MAP7D1: variants seen among roughly 807,000 people sequenced by gnomAD.
MAP7D1 encodes MAP7 domain-containing protein 1.
A neutral mutation model predicts 97.5 loss-of-function variants in MAP7D1; 30 were observed. That is an observed-to-expected ratio of 0.31 (90% CI 0.23 to 0.42). The LOEUF is 0.42. Ranked by LOEUF, MAP7D1 falls within the 10% of genes least tolerant of loss-of-function variation. The pLI, the probability that MAP7D1 is intolerant of heterozygous loss-of-function variation, is 1.00. For synonymous variants in MAP7D1, 536 were observed against 477.1 expected (o/e 1.12, Z -1.61); for missense variants, 1,184 against 1,179.5 (o/e 1.00, Z -0.06).
chr1:36,156,381 C>T lies in MAP7D1; in HGVS notation c.-37C>T, dbSNP rs1644328899. On this transcript the variant is annotated 5_prime_UTR_variant, in exon 1 of 17. Coordinates refer to ENST00000474796, the MANE Select transcript of MAP7D1 (RefSeq NM_001388490.1). ...TGGCCACTGGCCGCCGCCGCCGCCG[C>T]CGCTGAGACCCCGAGACCCCCAGTG... 2 of 1,481,148 alleles carry T rather than the reference C, an allele frequency of 1.4e-6. No individual in the cohort carries two copies. The highest frequency in any genetic ancestry group is 1.3e-5 in the South Asian group (1 of 78,944). 91.8% of individuals were successfully genotyped at this position (1,481,148 alleles called of 1,614,324 possible).
At chr1:36,165,708 C>T (rs1485313382) in intron 1 of MAP7D1, among the ~76,000 whole-genome samples, 1 of 150,292 alleles carries the variant, frequency 6.7e-6, no homozygotes, top group Non-Finnish European at 1.5e-5. Context: ...TAAGCCACCG[C>T]ACCACGCCTG....
At position 36,171,038 on chromosome 1, in the gene MAP7D1, A is replaced by G. The variant is rs767675376; in HGVS notation, c.114A>G (p.Pro38=). 1.8e-6 allele frequency: 2 copies of G among 1,140,536 alleles called. No individual in the cohort carries two copies. The highest frequency in any genetic ancestry group is 1.6e-5 in the South Asian group (1 of 62,128). The allele number at this position is 1,140,536 out of a possible 1,614,324, so 70.7% of individuals were successfully genotyped here. The change falls in exon 2 of 17, where the codon CCA becomes CCG. Residue 38 remains proline, a synonymous_variant. Transcript: ENST00000474796. ...SPEGDPSPPP[P]PMSALVPDTP... is the part of the protein sequence containing the mutation. ...AAGGTGACCCTTCCCCCCCACCACCACCAATGTCAGCCCTGGTCCCCGACA... is the reference window on the plus strand; with the variant it reads ...AAGGTGACCCTTCCCCCCCACCACCGCCAATGTCAGCCCTGGTCCCCGACA...
At chr1:36,168,903 T>C (rs1227301686) in intron 1 of MAP7D1, among the ~76,000 whole-genome samples, 1 of 152,160 alleles carries the variant, frequency 6.6e-6, no homozygotes, top group Non-Finnish European at 1.5e-5. Context: ...TTTACTTTAC[T>C]GTCCTCATCT....
chr1:36,158,109 A>G (rs1644361847), intron 1 of MAP7D1, among the ~76,000 whole-genome samples: 1 of 146,642 alleles, frequency 6.8e-6, no homozygotes, highest in Non-Finnish European at 1.5e-5. Flanking sequence ...TGAATATGAG[A>G]GCATGGGTGA....
chr1:36,180,106 C>T, intron 16 of MAP7D1, 39 bp downstream of exon 16: 1 of 1,611,196 alleles, frequency 6.2e-7, no homozygotes, highest in Non-Finnish European at 8.5e-7. Flanking sequence ...CCATTCCTCC[C>T]AGCAGCCTTC....
At chr1:36,179,381 A>C in intron 13 of MAP7D1, 66 bp downstream of exon 13, 1 of 1,600,080 alleles carries the variant, frequency 6.2e-7, no homozygotes, top group South Asian at 1.1e-5. Flanking sequence ...GGCTGCGGAA[A>C]GGCATCCATG....
chr1:36,177,421 C>A, intron 8 of MAP7D1: 3 of 398,494 alleles, frequency 7.5e-6, no homozygotes, highest in Non-Finnish European at 1.5e-5. Flanking sequence ...CTTTGGGAGG[C>A]CAAGGGGAGG....
At position 36,178,097 on chromosome 1, in the gene MAP7D1, A is replaced by C; in HGVS notation, c.1604A>C (p.Asn535Thr). The part of the protein sequence containing the change: ...DKSQSKRRAS[N>T]EKESAAPASP... ...AGCCAGAGCAAGCGCAGGGCCAGTA[A>C]CGAGAAGGAGTCAGCAGCCCCAGCC... The change falls in exon 9 of 17, where the codon AAC (asparagine) becomes ACC (threonine). Residue 535 changes from asparagine to threonine, a missense_variant. By Grantham distance (65) the Asn-to-Thr change is moderately conservative (BLOSUM62 0). Transcript: ENST00000474796. 6.2e-7 allele frequency: 1 copy of C among 1,602,460 alleles called. No homozygotes were observed. Among genetic ancestry groups the C allele is most frequent in the Non-Finnish European group, 8.5e-7 (1 of 1,175,216 alleles).
chr1:36,171,843 A>T (rs563696791), intron 3 of MAP7D1: 106 of 282,534 alleles, frequency 3.8e-4, no homozygotes, highest in African/African-American at 2.4e-3. Context: ...CTGAGATAGG[A>T]GAACTGCTTG....
Position 36,178,784 on chromosome 1 carries a change from G to A in MAP7D1, c.1986G>A (p.Ala662=). 1.3e-6 allele frequency: 2 copies of A among 1,547,388 alleles called. No individual in the cohort carries two copies. The highest frequency in any genetic ancestry group is 2.4e-5 in the South Asian group (2 of 83,864). The change falls in exon 11 of 17, where the codon GCG becomes GCA. Residue 662 remains alanine (A), a synonymous_variant. Transcript: ENST00000474796. ...RREEQEAREK[A]QAEQEEQERL... ...AGGAGCAGGAGGCACGAGAGAAGGC[G>A]CAGGCCGAGCAGGAGGAGCAGGAGC... is the stretch of plus-strand genomic sequence containing the variant.
chr1:36,177,478 G>C, intron 8 of MAP7D1: 1 of 463,176 alleles, frequency 2.2e-6, no homozygotes. Context: ...TATGTATGAT[G>C]ATGCCACTGC....
rs116722543 is a variant in MAP7D1 at position 36,176,136 on chromosome 1, T to C, written c.851-63T>C. The C allele has an allele frequency of 8.1e-4, 1,271 of 1,575,006 alleles. 9 individuals carry two copies. The African/African-American group carries it at 0.016, about 20-fold the overall frequency. The stretch of plus-strand genomic sequence containing the variant: ...TGGGGATGGTGCCTGGTCTGCTCCC[T>C]TGCCTCTTCCTGCCTCCTACGGCCC... On this transcript the variant is annotated intron_variant, in intron 6 of 16. Transcript: ENST00000474796. This position sits in a 1 kb window ranked among gnomAD's most constrained non-coding sequence, Gnocchi z 6.1.
chr1:36,177,617 AG>A (rs1436966021), intron 8 of MAP7D1: 1 of 716,738 alleles, frequency 1.4e-6, no homozygotes. Flanking sequence ...AGCTAACCCA[AG>A]CATGGTTTTT....
intron 6 of MAP7D1, among the ~76,000 whole-genome samples, chr1:36,175,544 C>T (rs115486349): frequency 0.01 from 1,575 of 152,340 alleles, 26 homozygotes; most frequent in African/African-American, 0.035. Context: ...GCATTCCCAC[C>T]ATGCCCTGGT....
intron 5 of MAP7D1, among the ~76,000 whole-genome samples, chr1:36,174,337 TGTTA>T (rs989921567): frequency 6.6e-6 from 1 of 152,228 alleles, no homozygotes; most frequent in Non-Finnish European, 1.5e-5. Context: ...ACACACTATC[TGTTA>T]GTGTTTGTGT....
chr1:36,175,158 CT>C, intron 6 of MAP7D1, 150 bp downstream of exon 6: 2 of 632,404 alleles, frequency 3.2e-6, no homozygotes, highest in Non-Finnish European at 5.7e-6. Context: ...CTCTGTGCCC[CT>C]CGGGGGAGCC....
In MAP7D1 at chr1:36,178,203, TAGG is replaced by T; in HGVS notation, c.1708+4_1708+6del. ...AGCCCCCCGCGGAGACCCCTACAGGTAGGAATGAAGAGAGGGGAGGGGTGGGCC... is the reference window on the plus strand; with the variant it reads ...AGCCCCCCGCGGAGACCCCTACAGGTAATGAAGAGAGGGGAGGGGTGGGCC... On this transcript the variant is annotated splice_donor_5th_base_variant and intron_variant, in intron 9 of 16. Coordinates refer to ENST00000474796, the MANE Select transcript of MAP7D1 (RefSeq NM_001388490.1). The T allele has an allele frequency of 7.0e-7, 1 of 1,426,698 alleles. No individual in the cohort carries two copies. Among genetic ancestry groups the T allele is most frequent in the Non-Finnish European group, 9.3e-7 (1 of 1,071,330 alleles). The allele number at this position is 1,426,698 out of a possible 1,614,324, so 88.4% of individuals were successfully genotyped here.
intron 5 of MAP7D1, among the ~76,000 whole-genome samples, chr1:36,173,749 T>G (rs914490048): frequency 6.6e-6 from 1 of 152,216 alleles, no homozygotes; most frequent in African/African-American, 2.4e-5. Flanking sequence ...TCAATTATTA[T>G]TAGTTGTTGA....
chr1:36,179,989 A>G lies in MAP7D1; in HGVS notation c.2434A>G (p.Thr812Ala). 1 of 1,614,224 alleles carries G rather than the reference A, an allele frequency of 6.2e-7. No homozygotes were observed. Among genetic ancestry groups the G allele is most frequent in the Non-Finnish European group, 8.5e-7 (1 of 1,180,022 alleles). The change falls in exon 16 of 17, where the codon ACA becomes GCA. Residue 812 changes from threonine to alanine, a missense_variant. By Grantham distance (58) the Thr-to-Ala change is moderately conservative. Coordinates refer to ENST00000474796, the MANE Select transcript of MAP7D1 (RefSeq NM_001388490.1). ...GPSGDKSLSR[T>A]PETLLPFAEA... Reference sequence around the variant, plus strand: ...CTCTGGGGACAAGAGTCTGAGCCGAACACCAGAGACACTCCTGCCCTTTGC... The same window carrying G: ...CTCTGGGGACAAGAGTCTGAGCCGAGCACCAGAGACACTCCTGCCCTTTGC...
Sources: gnomAD v4.1 joint callset for allele counts (sites outside exome capture counted in the v4.1 genomes callset) on GRCh38, gnomAD v4.1.1 for gene constraint, Gnocchi (gnomAD v3.1) non-coding constraint, MANE v1.5 for transcripts, NCBI Gene and HGNC (gene_info 2026-07-23, HGNC 2026-07-21) for gene names.